The following COPS7B variants were observed in gnomAD, a reference collection of about 807,000 sequenced individuals.
COPS7B encodes COP9 signalosome complex subunit 7b.
In COPS7B, 9 loss-of-function variants were observed where a neutral mutation model predicts 33.4. The ratio of observed to expected loss-of-function variants is 0.27; its 90% CI spans 0.16 to 0.47. The LOEUF is 0.47. Among genes scored for constraint, COPS7B ranks in the 20% least tolerant of loss-of-function variants. COPS7B has a pLI of 0.99. For synonymous variants in COPS7B, 119 were observed against 126.3 expected, an observed-to-expected ratio of 0.94 and a Z score of 0.39; for missense variants, 242 against 318.2, an observed-to-expected ratio of 0.76 and a Z score of 1.82.
chr2:231,787,816 A>G (rs1051625219), intron 1 of COPS7B, among the ~76,000 whole-genome samples: 3 of 152,126 alleles, frequency 2.0e-5, no homozygotes, highest in South Asian at 2.1e-4. Context: ...TTGGATTCTG[A>G]TGACACAGTG....
chr2:231,789,832 A>T (rs570230646), intron 2 of COPS7B: 4 of 152,182 alleles, frequency 2.6e-5, no homozygotes, highest in Non-Finnish European at 5.9e-5. Flanking sequence ...GTGTCTGCCT[A>T]TTCCTCTTGA....
At chr2:231,788,479 T>A (rs911816245) in intron 1 of COPS7B, 76 bp from the exon 2 acceptor site, 1 of 1,354,134 alleles carries the variant, frequency 7.4e-7, no homozygotes, top group Non-Finnish European at 1.0e-6. Flanking sequence ...TATTCTGGTG[T>A]TTGATTCAGC....
chr2:231,794,119 G>T (rs1401186629), intron 3 of COPS7B, 144 bp from the exon 4 acceptor site: 3 of 574,052 alleles, frequency 5.2e-6, no homozygotes, highest in Non-Finnish European at 6.2e-6. Flanking sequence ...AAAGAAGACA[G>T]GAATATTTGT....
At chr2:231,799,084 G>T (rs934519787) in intron 6 of COPS7B, 120 bp downstream of exon 6, 7 of 820,538 alleles carry the variant, frequency 8.5e-6, no homozygotes, top group Non-Finnish European at 1.4e-5. Flanking sequence ...ACCAACAAGT[G>T]GGCCTGGGCT....
At chr2:231,804,673 A>G (rs906425190) in intron 6 of COPS7B, among the ~76,000 whole-genome samples, 50 of 152,296 alleles carry the variant, frequency 3.3e-4, no homozygotes, top group South Asian at 8.3e-4. Flanking sequence ...TAATAAAGCT[A>G]TTTTGCCAAA....
At chr2:231,792,286 G>T in intron 3 of COPS7B, 1 of 317,008 alleles carries the variant, frequency 3.2e-6, no homozygotes, top group Non-Finnish European at 6.2e-6. Context: ...GAGGTGAGGA[G>T]TTTTACACCA....
upstream of COPS7B, among the ~76,000 whole-genome samples, chr2:231,785,834 T>C (rs2049226477): frequency 6.6e-6 from 1 of 152,254 alleles, no homozygotes; most frequent in Non-Finnish European, 1.5e-5. Flanking sequence ...AATGACATTT[T>C]GGTCATAGAA....
intron 3 of COPS7B, 41 bp downstream of exon 3, chr2:231,791,849 T>C: frequency 6.5e-7 from 1 of 1,549,464 alleles, no homozygotes; most frequent in South Asian, 1.1e-5. Flanking sequence ...GTGTTAATTA[T>C]GTTGCTCAGT....
Position 231,786,539 on chromosome 2 carries a change from G to A in COPS7B, c.-17+1G>A. 1.1e-5 allele frequency: 11 copies of A among 984,780 alleles called. No individual in the cohort carries two copies. The highest frequency in any genetic ancestry group is 1.3e-5 in the Non-Finnish European group (11 of 829,116). 61.0% of individuals were successfully genotyped at this position (984,780 alleles called of 1,614,324 possible). ...GAGGACCGAGAGGTGGCGTGGACAG[G>A]TAGGAGCTAGCGAGAGGGTGGGCCG... On this transcript the variant is annotated splice_donor_variant, in intron 1 of 6. Transcript: ENST00000350033. LOFTEE classifies it low-confidence loss of function (5UTR_SPLICE).
At chr2:231,786,858 C>G (rs1052038456) in intron 1 of COPS7B, among the ~76,000 whole-genome samples, 3 of 152,360 alleles carry the variant, frequency 2.0e-5, no homozygotes, top group African/African-American at 7.2e-5. Context: ...TATCTCCGCT[C>G]TGTGCCTAGC....
intron 2 of COPS7B, among the ~76,000 whole-genome samples, chr2:231,789,317 A>G (rs899415020): frequency 3.0e-4 from 46 of 152,256 alleles, no homozygotes; most frequent in Admixed American, 2.0e-4. Flanking sequence ...GAGAAGATCC[A>G]TTGAACAGAA....
At chr2:231,784,467 G>A (rs967231094), upstream of COPS7B, among the ~76,000 whole-genome samples, 1 of 151,980 alleles carries the variant, frequency 6.6e-6, no homozygotes, top group African/African-American at 2.4e-5. Flanking sequence ...CGGTGACAGA[G>A]TAAGACTCTG....
At chr2:231,791,466 G>T in intron 2 of COPS7B, 1 of 460,540 alleles carries the variant, frequency 2.2e-6, no homozygotes, top group East Asian at 4.1e-5. Flanking sequence ...CTTTGTATGT[G>T]TGTGTGAGAG....
Position 231,807,877 on chromosome 2 carries a change from A to G in COPS7B, c.*232A>G. On this transcript the variant is annotated 3_prime_UTR_variant, in exon 7 of 7. Coordinates refer to ENST00000350033, the MANE Select transcript of COPS7B (RefSeq NM_022730.4). ...CAGGGGCTCCACCAATGCCATCCCA[A>G]AACAGGGTCAGACACTGCCCAGCTT... The G allele has an allele frequency of 2.2e-6, 1 of 456,428 alleles. No homozygotes were observed. The highest frequency in any genetic ancestry group is 3.9e-6 in the Non-Finnish European group (1 of 255,976). The allele number at this position is 456,428 out of a possible 1,614,324, so 28.3% of individuals were successfully genotyped here. A position where few individuals can be genotyped will look rare whatever the true frequency, so the allele number is the denominator to read the frequency against.
chr2:231,786,377 G>A, upstream of COPS7B: 2 of 911,488 alleles, frequency 2.2e-6, no homozygotes, highest in Non-Finnish European at 2.6e-6. Flanking sequence ...GGCGGAACGC[G>A]AGTGCAGCGG....
intron 6 of COPS7B, among the ~76,000 whole-genome samples, chr2:231,800,304 G>C (rs1295724926): frequency 6.6e-6 from 1 of 152,212 alleles, no homozygotes; most frequent in African/African-American, 2.4e-5. Context: ...AAATAAGCTT[G>C]CTGCTTTTCT....
intron 6 of COPS7B, among the ~76,000 whole-genome samples, chr2:231,805,462 A>T (rs2049867920): frequency 6.8e-6 from 1 of 146,596 alleles, no homozygotes; most frequent in Non-Finnish European, 1.5e-5. Flanking sequence ...ATATATATAT[A>T]TATATATTTA....
intron 3 of COPS7B, chr2:231,793,548 T>C (rs1380819033): frequency 6.6e-6 from 1 of 152,282 alleles, no homozygotes; most frequent in Non-Finnish European, 1.5e-5. Flanking sequence ...CTTGCTGTTA[T>C]TATCATTTAT....
chr2:231,806,144 T>G (rs1423399788), intron 6 of COPS7B, among the ~76,000 whole-genome samples: 1 of 152,144 alleles, frequency 6.6e-6, no homozygotes, highest in Non-Finnish European at 1.5e-5. Context: ...AACCCAATTT[T>G]TGTCTCACCC....
Sources: allele counts gnomAD v4.1 joint callset (sites outside exome capture counted in the v4.1 genomes callset), GRCh38; gene constraint gnomAD v4.1.1; transcripts MANE v1.5; gene names NCBI Gene and HGNC (gene_info 2026-07-23, HGNC 2026-07-21).